The following ZC3H14 variants were observed in gnomAD, a reference collection of about 807,000 sequenced individuals.
ZC3H14 encodes zinc finger CCCH domain-containing protein 14.
Under a neutral mutation model 92.4 loss-of-function variants are expected in ZC3H14, and 31 were observed. The observed-to-expected ratio is 0.34, with a 90% confidence interval of 0.25 to 0.45. The LOEUF (loss-of-function observed/expected upper bound fraction) is 0.45, where lower values mean the gene tolerates loss of function less well. ZC3H14 is among the 20% of genes least tolerant of loss of function. ZC3H14 has a pLI of 1.00. For synonymous variants in ZC3H14, 321 were observed against 300.9 expected (o/e 1.07, Z -0.69); for missense variants, 781 against 897.3 (o/e 0.87, Z 1.66).
At chr14:88,570,456 G>C (rs532356279) in intron 3 of ZC3H14, among the ~76,000 whole-genome samples, 1 of 152,310 alleles carries the variant, frequency 6.6e-6, no homozygotes, top group South Asian at 2.1e-4. Flanking sequence ...AAATGATATA[G>C]CATAGTTTGA....
intron 13 of ZC3H14, 116 bp from the exon 14 acceptor site, chr14:88,609,151 T>A (rs573931922): frequency 1.6e-6 from 2 of 1,263,844 alleles, no homozygotes; most frequent in African/African-American, 1.5e-5. Context: ...TTGTTGCTGT[T>A]TTTTTTGCAT....
intron 2 of ZC3H14, among the ~76,000 whole-genome samples, chr14:88,565,889 A>G (rs867444850): frequency 1.1e-4 from 17 of 151,148 alleles, no homozygotes; most frequent in Admixed American, 3.3e-4. Context: ...TTTTTTTGAG[A>G]TGGGGTCTCA....
chr14:88,567,603 T>C (rs895287789), intron 2 of ZC3H14, among the ~76,000 whole-genome samples: 1 of 152,162 alleles, frequency 6.6e-6, no homozygotes, highest in African/African-American at 2.4e-5. Context: ...CTGTGAGTAA[T>C]TGAAACCTGC....
At chr14:88,582,543 G>A (rs2082020882) in intron 9 of ZC3H14, among the ~76,000 whole-genome samples, 1 of 152,230 alleles carries the variant, frequency 6.6e-6, no homozygotes, top group Non-Finnish European at 1.5e-5. Context: ...GCACATAGTG[G>A]TTGCTTTTGA....
chr14:88,572,442 A>G, intron 5 of ZC3H14, 136 bp from the exon 6 acceptor site: 1 of 1,211,612 alleles, frequency 8.3e-7, no homozygotes, highest in Non-Finnish European at 1.2e-6. Context: ...TGCAATTTCA[A>G]AGCAGTTTTG....
intron 9 of ZC3H14, chr14:88,594,548 A>G (rs2083549880): frequency 6.9e-7 from 1 of 1,449,588 alleles, no homozygotes; most frequent in South Asian, 1.5e-5. Context: ...GAAATGTACA[A>G]CCCCATCTTT....
intron 13 of ZC3H14, 198 bp from the exon 14 acceptor site, chr14:88,609,067 TTG>T: frequency 3.1e-6 from 2 of 641,956 alleles, no homozygotes; most frequent in South Asian, 4.1e-5. Flanking sequence ...AAGCCTGTGT[TTG>T]TGTTATCCCA....
Position 88,572,970 on chromosome 14 carries a change from C to T in ZC3H14, c.824C>T (p.Pro275Leu), listed in dbSNP as rs772979062. The change falls in exon 6 of 17, where the codon CCG becomes CTG. Residue 275 changes from proline to leucine, a missense_variant. This residue lies in a region of ZC3H14 where 454 missense variants were observed against 438.5 expected (regional missense o/e 1.04). Coordinates refer to ENST00000251038, the MANE Select transcript of ZC3H14 (RefSeq NM_024824.5). Reference sequence around the variant, plus strand: ...AACAGCTTAGAAGAAACGTATAGTCCGTTCTTTAGAAACAACTCGGAGAAA... The same window carrying T: ...AACAGCTTAGAAGAAACGTATAGTCTGTTCTTTAGAAACAACTCGGAGAAA... The part of the protein sequence containing the change: ...VLNSLEETYS[P>L]FFRNNSEKMS... 1.2e-6 allele frequency: 2 copies of T among 1,613,982 alleles called. No homozygotes were observed. The highest frequency in any genetic ancestry group is 1.7e-6 in the Non-Finnish European group (2 of 1,180,024).
chr14:88,575,404 C>T (rs2081032224), intron 7 of ZC3H14, among the ~76,000 whole-genome samples: 1 of 151,982 alleles, frequency 6.6e-6, no homozygotes, highest in Non-Finnish European at 1.5e-5. Flanking sequence ...TTTAAAAAAA[C>T]TAAAAGGGGC....
rs541844851 is a variant in ZC3H14 at position 88,620,571 on chromosome 14, G to T, written c.*8820G>T. On this transcript the variant is annotated 3_prime_UTR_variant, in exon 17 of 17. Coordinates refer to ENST00000251038, the MANE Select transcript of ZC3H14 (RefSeq NM_024824.5). The surrounding 1 kb of genome is among the most constrained non-coding windows in gnomAD (Gnocchi z 4.3). Reference sequence around the variant, plus strand: ...TGCTATTATAGTTGGTGCCCAGTGGGTTTATAATTTAGCAAGAAGAATTAA... The same window carrying T: ...TGCTATTATAGTTGGTGCCCAGTGGTTTTATAATTTAGCAAGAAGAATTAA... The T allele has an allele frequency of 1.2e-3, 594 of 488,434 alleles. 9 individuals are homozygous for T. The East Asian group carries it at 0.019, about 15-fold the overall frequency. 30.3% of individuals were successfully genotyped at this position (488,434 alleles called of 1,614,324 possible).
At chr14:88,595,393 C>A (rs1336766847) in intron 9 of ZC3H14, among the ~76,000 whole-genome samples, 1 of 152,264 alleles carries the variant, frequency 6.6e-6, no homozygotes, top group East Asian at 1.9e-4. Context: ...TGTGGTCTTT[C>A]ATGTGTCTTG....
intron 9 of ZC3H14, among the ~76,000 whole-genome samples, chr14:88,580,000 C>T (rs537833887): frequency 6.6e-6 from 1 of 152,170 alleles, no homozygotes; most frequent in Non-Finnish European, 1.5e-5. Flanking sequence ...TCACTTGAGA[C>T]TAGCCTGGGC....
intron 6 of ZC3H14, chr14:88,574,371 G>A (rs1043708373): frequency 1.5e-5 from 5 of 331,700 alleles, no homozygotes; most frequent in East Asian, 1.6e-4. Flanking sequence ...TCAGCCTCCC[G>A]AGTAGCTCGG....
intron 3 of ZC3H14, 90 bp from the exon 4 acceptor site, chr14:88,570,994 C>G: frequency 2.9e-6 from 3 of 1,037,502 alleles, no homozygotes; most frequent in Middle Eastern, 3.1e-4. Flanking sequence ...AAAATTATCT[C>G]TGAATATAAT....
chr14:88,611,120 ATTATCCAGTGG>A (rs1329209876), intron 16 of ZC3H14, among the ~76,000 whole-genome samples, 180 bp downstream of exon 16: 4 of 152,128 alleles, frequency 2.6e-5, no homozygotes, highest in African/African-American at 9.7e-5. Flanking sequence ...TAAATTTTAC[ATTATCCAGTGG>A]TTACTTTTTT....
In ZC3H14 at chr14:88,578,113, A is replaced by C; in HGVS notation, c.1252A>C (p.Lys418Gln). 1 of 1,614,140 alleles carries C rather than the reference A, an allele frequency of 6.2e-7. No individual in the cohort carries two copies. Among genetic ancestry groups the C allele is most frequent in the Non-Finnish European group, 8.5e-7 (1 of 1,180,022 alleles). Residue 418 changes from lysine to glutamine, a missense_variant, in exon 9 of 17, where the codon AAA (lysine) becomes CAA (glutamine). This residue lies in a region of ZC3H14 where 454 missense variants were observed against 438.5 expected (regional missense o/e 1.04). Transcript: ENST00000251038. Reference protein sequence around the residue: ...ISPPIKEEETKGDSVEKNQGT... With the variant: ...ISPPIKEEETQGDSVEKNQGT... ...TCCCCCCATTAAAGAAGAGGAAACA[A>C]AAGGAGATTCTGTAGAAAAAAATCA...
chr14:88,585,731 C>T (rs1468234052), intron 9 of ZC3H14, among the ~76,000 whole-genome samples: 1 of 152,170 alleles, frequency 6.6e-6, no homozygotes, highest in African/African-American at 2.4e-5. Flanking sequence ...AATTTTACCA[C>T]ACAAATTTAA....
intron 13 of ZC3H14, chr14:88,609,066 T>C (rs2086098789): frequency 1.6e-6 from 1 of 636,764 alleles, no homozygotes; most frequent in South Asian, 2.0e-5. Context: ...AAAGCCTGTG[T>C]TTGTGTTATC....
chr14:88,594,422 A>G (rs1194207601), intron 9 of ZC3H14: 2 of 1,183,142 alleles, frequency 1.7e-6, no homozygotes, highest in Non-Finnish European at 2.1e-6. Context: ...GAGGAGCTAT[A>G]CAGATGGTAC....
Sources: gnomAD v4.1 joint callset for allele counts (sites outside exome capture counted in the v4.1 genomes callset) on GRCh38, gnomAD v4.1.1 for gene constraint, gnomAD v4.1.1 regional missense constraint, Gnocchi (gnomAD v3.1) non-coding constraint, MANE v1.5 for transcripts, NCBI Gene and HGNC (gene_info 2026-07-23, HGNC 2026-07-21) for gene names.